RAPGEF2: variants seen among roughly 807,000 people sequenced by gnomAD.
RAPGEF2 encodes the protein Rap guanine nucleotide exchange factor 2, also known as PDZ domain containing guanine nucleotide exchange factor (GEF) 1.
RAPGEF2 carries 54 observed loss-of-function variants against 186.7 expected under a neutral mutation model. The ratio of observed to expected loss-of-function variants is 0.29; its 90% CI spans 0.23 to 0.36. RAPGEF2 has a LOEUF of 0.36. RAPGEF2 is among the 10% of genes least tolerant of loss of function. The pLI is 1.00. For synonymous variants in RAPGEF2, 712 were observed against 705.9 expected (o/e 1.01, Z -0.14); for missense variants, 1,532 against 2,045.0 (o/e 0.75, Z 4.84).
At chr4:159,115,039 A>G (rs1034353033) in intron 1 of RAPGEF2, among the ~76,000 whole-genome samples, 2 of 152,190 alleles carry the variant, frequency 1.3e-5, no homozygotes, top group Non-Finnish European at 2.9e-5. Flanking sequence ...AAGGCAAACA[A>G]TCTCTACACA....
At chr4:159,308,240 G>T (rs1376568383) in intron 8 of RAPGEF2, among the ~76,000 whole-genome samples, 1 of 152,148 alleles carries the variant, frequency 6.6e-6, no homozygotes. Flanking sequence ...CATCATTTCA[G>T]TTGCTTAAGT....
chr4:159,242,394 A>C (rs567618199), intron 6 of RAPGEF2, among the ~76,000 whole-genome samples: 1 of 151,890 alleles, frequency 6.6e-6, no homozygotes, highest in Non-Finnish European at 1.5e-5. Context: ...TACAAAATGC[A>C]TGGGAAAAAT....
At chr4:159,130,483 C>T (rs1258883021) in intron 1 of RAPGEF2, among the ~76,000 whole-genome samples, 1 of 152,138 alleles carries the variant, frequency 6.6e-6, no homozygotes, top group Non-Finnish European at 1.5e-5. Flanking sequence ...CCCACCTCAG[C>T]CCCCCAAGTA....
intron 3 of RAPGEF2, among the ~76,000 whole-genome samples, chr4:159,202,357 A>T (rs1259360766): frequency 1.3e-5 from 2 of 151,794 alleles, no homozygotes. Context: ...GAAAGCACTA[A>T]CTTCTAGTTC....
chr4:159,258,409 ATATT>A (rs1316507633), intron 7 of RAPGEF2, among the ~76,000 whole-genome samples: 3 of 152,116 alleles, frequency 2.0e-5, no homozygotes, highest in African/African-American at 7.2e-5. Context: ...ATGGTCTTCT[ATATT>A]TATTTATTTT....
At chr4:159,130,524 T>C (rs1193631857) in intron 1 of RAPGEF2, among the ~76,000 whole-genome samples, 1 of 152,152 alleles carries the variant, frequency 6.6e-6, no homozygotes, top group Non-Finnish European at 1.5e-5. Flanking sequence ...CATTTTTCTT[T>C]ATTCAAATTT....
Position 159,166,738 on chromosome 4 carries a change from C to T in RAPGEF2, c.70-19904C>T, listed in dbSNP as rs924124252. On this transcript the variant is annotated intron_variant, in intron 1 of 29. Transcript: ENST00000691494. ...TATTTCATATATACATTAAAAAAAC[C>T]GACAATAAAAATGAACATATGAAAA... Among the ~76,000 whole-genome samples the T allele has an allele frequency of 2.6e-5, 4 of 151,832 alleles. No homozygotes were observed. The South Asian group carries it at 6.2e-4, about 24-fold the overall frequency.
At chr4:159,137,651 G>A (rs1251529520) in intron 1 of RAPGEF2, among the ~76,000 whole-genome samples, 3 of 136,094 alleles carry the variant, frequency 2.2e-5, no homozygotes, top group African/African-American at 8.1e-5. Context: ...ACCTTTTTAG[G>A]TATTTATACC....
At chr4:159,321,123 T>C (rs934968507) in intron 9 of RAPGEF2, among the ~76,000 whole-genome samples, 1 of 151,946 alleles carries the variant, frequency 6.6e-6, no homozygotes, top group Admixed American at 6.6e-5. Flanking sequence ...CTGATGTACA[T>C]ACACCCTGTG....
chr4:159,187,368 C>T (rs115889217), intron 2 of RAPGEF2, among the ~76,000 whole-genome samples: 1,763 of 151,996 alleles, frequency 0.012, 34 homozygotes, highest in African/African-American at 0.04. Context: ...TCACTTCTCA[C>T]CAAAAGTAGT....
intron 4 of RAPGEF2, among the ~76,000 whole-genome samples, chr4:159,231,810 CACTTCTGATGCT>C (rs1170641107): frequency 6.6e-6 from 1 of 152,092 alleles, no homozygotes; most frequent in African/African-American, 2.4e-5. Flanking sequence ...AAAATCAAAG[CACTTCTGATGCT>C]AAGCATTTTG....
intron 26 of RAPGEF2, chr4:159,351,286 A>G: frequency 8.0e-7 from 1 of 1,252,510 alleles, no homozygotes. Flanking sequence ...CATCTGAGTG[A>G]TTTATTTTTC....
chr4:159,318,547 TC>T (rs1764874194), intron 9 of RAPGEF2, among the ~76,000 whole-genome samples: 1 of 152,216 alleles, frequency 6.6e-6, no homozygotes, highest in South Asian at 2.1e-4. Flanking sequence ...AGAAAAAAAT[TC>T]CCTTTGGGTT....
chr4:159,323,777 G>A (rs992683550), intron 11 of RAPGEF2, among the ~76,000 whole-genome samples, 160 bp downstream of exon 11: 7 of 149,586 alleles, frequency 4.7e-5, no homozygotes, highest in African/African-American at 9.9e-5. Context: ...GGAGTGCAGC[G>A]GCACAAGCTC....
At chr4:159,202,236 C>A (rs1749500885) in intron 3 of RAPGEF2, among the ~76,000 whole-genome samples, 1 of 152,176 alleles carries the variant, frequency 6.6e-6, no homozygotes, top group African/African-American at 2.4e-5. Context: ...TCCTCACTCC[C>A]CTGGGCCGCT....
intron 1 of RAPGEF2, among the ~76,000 whole-genome samples, chr4:159,166,706 A>G (rs576698880): frequency 6.6e-6 from 1 of 152,284 alleles, no homozygotes; most frequent in African/African-American, 2.4e-5. Context: ...TGTCTTGTTT[A>G]CTCAGGTATT....
Position 159,315,348 on chromosome 4 carries a change from T to G in RAPGEF2, c.853+580T>G, listed in dbSNP as rs114117064. Among the ~76,000 whole-genome samples, 1,472 of 151,902 alleles carry G rather than the reference T, an allele frequency of 9.7e-3. 20 individuals carry two copies. The highest frequency in any genetic ancestry group is 0.033 in the African/African-American group (1,371 of 41,254). On this transcript the variant is annotated intron_variant, in intron 9 of 29. Transcript: ENST00000691494. ...ATGTTCAGGAGTACAAGTGCAGGTC[T>G]GTTACATAGGAAAACCTGTGTCATG... is the stretch of plus-strand genomic sequence containing the variant.
At chr4:159,123,087 C>T (rs769356087) in intron 1 of RAPGEF2, among the ~76,000 whole-genome samples, 4 of 152,124 alleles carry the variant, frequency 2.6e-5, no homozygotes, top group Non-Finnish European at 5.9e-5. Context: ...AAATAGTATA[C>T]AATACAACAT....
intron 7 of RAPGEF2, among the ~76,000 whole-genome samples, chr4:159,281,390 T>A (rs1307072766): frequency 6.6e-6 from 1 of 151,330 alleles, no homozygotes; most frequent in East Asian, 2.0e-4. Context: ...AATTATTGGC[T>A]GGGCATGGTG....
Sources: gnomAD v4.1 joint callset for allele counts (sites outside exome capture counted in the v4.1 genomes callset) on GRCh38, gnomAD v4.1.1 for gene constraint, MANE v1.5 for transcripts, NCBI Gene and HGNC (gene_info 2026-07-23, HGNC 2026-07-21) for gene names.